Variants in BABAM2 observed in about 807,000 individuals in gnomAD.
The protein encoded by BABAM2 is BRISC and BRCA1-A complex member 2.
BABAM2 carries 31 observed loss-of-function variants against 54.7 expected under a neutral mutation model. The ratio of observed to expected loss-of-function variants is 0.57; its 90% confidence interval spans 0.43 to 0.77. BABAM2 has a LOEUF of 0.77. BABAM2 is among the 30% of genes least tolerant of loss of function. The pLI is 0.00. For synonymous variants in BABAM2, 167 were observed against 162.9 expected, an observed-to-expected ratio of 1.03 and a Z score of -0.19; for missense variants, 364 against 455.8, an observed-to-expected ratio of 0.80 and a Z score of 1.83.
intron 7 of BABAM2, among the ~76,000 whole-genome samples, chr2:28,197,704 C>A (rs1677762156): frequency 6.6e-6 from 1 of 152,182 alleles, no homozygotes; most frequent in Admixed American, 6.5e-5. Context: ...TAAAAAAATA[C>A]ATGTTCCAAC....
intron 4 of BABAM2, among the ~76,000 whole-genome samples, chr2:28,003,862 A>G (rs1178918528): frequency 1.3e-5 from 2 of 152,236 alleles, no homozygotes; most frequent in African/African-American, 2.4e-5. Context: ...CAAGGACAAC[A>G]TATAATCATT....
chr2:28,066,129 A>G (rs1362596453), intron 6 of BABAM2, among the ~76,000 whole-genome samples: 1 of 151,340 alleles, frequency 6.6e-6, no homozygotes, highest in Admixed American at 6.6e-5. Flanking sequence ...ACTGCACTCC[A>G]GCCTAGGCGA....
At chr2:28,249,314 C>T (rs1683215547) in intron 10 of BABAM2, among the ~76,000 whole-genome samples, 1 of 152,050 alleles carries the variant, frequency 6.6e-6, no homozygotes, top group African/African-American at 2.4e-5. Flanking sequence ...ATCTTGAACT[C>T]CTGGCCTCAA....
intron 7 of BABAM2, among the ~76,000 whole-genome samples, chr2:28,167,228 T>A (rs1429556465): frequency 2.6e-5 from 4 of 152,186 alleles, no homozygotes; most frequent in Non-Finnish European, 4.4e-5. Flanking sequence ...TATAGATAGG[T>A]ACTGAAGTTT....
chr2:28,197,773 A>G (rs896330086), intron 7 of BABAM2, among the ~76,000 whole-genome samples: 6 of 152,202 alleles, frequency 3.9e-5, no homozygotes, highest in Admixed American at 1.3e-4. Context: ...AAAAATCTGG[A>G]AATGAAATAA....
chr2:27,932,221 T>G (rs565468952), intron 3 of BABAM2, among the ~76,000 whole-genome samples: 1 of 152,294 alleles, frequency 6.6e-6, no homozygotes, highest in South Asian at 2.1e-4. Context: ...CGATAATTTT[T>G]TATTACTACA....
intron 6 of BABAM2, among the ~76,000 whole-genome samples, chr2:28,125,568 C>T (rs1669453959): frequency 6.6e-6 from 1 of 152,210 alleles, no homozygotes; most frequent in Admixed American, 6.5e-5. Context: ...GCTGGGATTA[C>T]AGGTGTGAGC....
At chr2:27,940,894 T>C (rs756859776) in intron 3 of BABAM2, among the ~76,000 whole-genome samples, 6 of 152,168 alleles carry the variant, frequency 3.9e-5, no homozygotes, top group Non-Finnish European at 8.8e-5. Flanking sequence ...CTGCAACATA[T>C]TCTATTGTCA....
intron 2 of BABAM2, among the ~76,000 whole-genome samples, chr2:27,900,498 G>T (rs1665697186): frequency 6.6e-6 from 1 of 151,946 alleles, no homozygotes; most frequent in Non-Finnish European, 1.5e-5. Flanking sequence ...TAAGGGCCAA[G>T]TTCTTGTTTA....
intron 3 of BABAM2, among the ~76,000 whole-genome samples, chr2:27,964,708 T>C (rs1670716425): frequency 6.6e-6 from 1 of 152,184 alleles, no homozygotes; most frequent in Non-Finnish European, 1.5e-5. Context: ...TTTTTAAAGA[T>C]AGAAAGAGGT....
chr2:28,072,914 C>T (rs1664299473), intron 6 of BABAM2, among the ~76,000 whole-genome samples: 1 of 152,236 alleles, frequency 6.6e-6, no homozygotes, highest in Non-Finnish European at 1.5e-5. Flanking sequence ...TAATCTATTT[C>T]AACTGTATCT....
intron 3 of BABAM2, among the ~76,000 whole-genome samples, chr2:27,935,258 A>G (rs1668408437): frequency 6.6e-6 from 1 of 152,356 alleles, no homozygotes; most frequent in Non-Finnish European, 1.5e-5. Flanking sequence ...AATAACAATC[A>G]TCTGTTTACA....
chr2:28,066,274 T>A (rs1558304596), intron 6 of BABAM2, among the ~76,000 whole-genome samples: 1 of 152,060 alleles, frequency 6.6e-6, no homozygotes, highest in African/African-American at 2.4e-5. Context: ...GTATATATGT[T>A]GGTAAATATG....
intron 6 of BABAM2, among the ~76,000 whole-genome samples, chr2:28,102,373 A>G (rs1046537676): frequency 3.9e-5 from 6 of 152,232 alleles, no homozygotes; most frequent in South Asian, 2.1e-4. Context: ...TGTCTAAAAC[A>G]TACTTATTCT....
chr2:27,981,135 A>G (rs1671966047), intron 3 of BABAM2, among the ~76,000 whole-genome samples: 1 of 152,132 alleles, frequency 6.6e-6, no homozygotes, highest in Non-Finnish European at 1.5e-5. Context: ...AGATCTTTGC[A>G]AGTATTTATC....
intron 3 of BABAM2, among the ~76,000 whole-genome samples, chr2:27,935,767 G>A (rs965766119): frequency 1.8e-4 from 27 of 152,304 alleles, no homozygotes; most frequent in Admixed American, 8.5e-4. Flanking sequence ...TAGCCATGCC[G>A]CCCTTCAGCA....
At chr2:28,047,576 A>G (rs543936110) in intron 6 of BABAM2, among the ~76,000 whole-genome samples, 46 of 152,038 alleles carry the variant, frequency 3.0e-4, no homozygotes, top group South Asian at 6.2e-4. Context: ...TCTCATATTT[A>G]TCTCTTCAGC....
intron 10 of BABAM2, among the ~76,000 whole-genome samples, chr2:28,268,362 G>A (rs182607592): frequency 1.8e-4 from 28 of 152,278 alleles, no homozygotes; most frequent in African/African-American, 6.3e-4. Flanking sequence ...TATCTCTGGA[G>A]AGAGAGGCAG....
intron 6 of BABAM2, among the ~76,000 whole-genome samples, chr2:28,081,724 T>A (rs547938775): frequency 6.6e-6 from 1 of 152,238 alleles, no homozygotes; most frequent in Admixed American, 6.5e-5. Flanking sequence ...ACAGAAATGA[T>A]CATAAATCCC....
Sources: gnomAD v4.1 joint callset for allele counts (sites outside exome capture counted in the v4.1 genomes callset) on GRCh38, gnomAD v4.1.1 for gene constraint, MANE v1.5 for transcripts, NCBI Gene and HGNC (gene_info 2026-07-23, HGNC 2026-07-21) for gene names.